The following PDE4D variants were observed in gnomAD, a reference collection of about 807,000 sequenced individuals.
The protein encoded by PDE4D is 3',5'-cyclic-AMP phosphodiesterase 4D.
PDE4D carries 24 observed loss-of-function variants against 87.4 expected under a neutral mutation model. That is an observed-to-expected ratio of 0.27 (90% CI 0.20 to 0.39). PDE4D has a LOEUF of 0.39. Ranked by LOEUF, PDE4D falls within the 10% of genes least tolerant of loss-of-function variation. The probability of loss-of-function intolerance (pLI) is 1.00; values close to 1 mark genes in which losing one functional copy is unlikely to be tolerated. For synonymous variants in PDE4D, 384 were observed against 383.2 expected (o/e 1.00, Z -0.02); for missense variants, 714 against 1,041.0 (o/e 0.69, Z 4.32).
intron 1 of PDE4D, among the ~76,000 whole-genome samples, chr5:59,282,566 T>C (rs923059450): frequency 2.7e-5 from 4 of 146,114 alleles, no homozygotes; most frequent in African/African-American, 1.0e-4. Context: ...TTGCTTCAAC[T>C]TGGGAGGAGG....
intron 2 of PDE4D, among the ~76,000 whole-genome samples, chr5:60,054,816 A>C (rs962695438): frequency 3.3e-5 from 5 of 152,158 alleles, no homozygotes; most frequent in African/African-American, 7.2e-5. Context: ...CTACCTGCAG[A>C]AAACAAACTA....
intron 1 of PDE4D, among the ~76,000 whole-genome samples, chr5:59,358,301 T>C (rs1781707880): frequency 6.6e-6 from 1 of 152,154 alleles, no homozygotes; most frequent in South Asian, 2.1e-4. Context: ...GCAGCAACCT[T>C]GGAGGAGCAG....
In PDE4D at chr5:60,064,109, A is replaced by G. The variant is rs144304653; in HGVS notation, c.43-75392T>C. On this transcript the variant is annotated intron_variant, in intron 2 of 16. Transcript: ENST00000502484. Reference sequence around the variant, plus strand: ...TTTTCTCTTTGCATCTTTCTTTAAAATCTTTTAAATAATAATCACATATAA... The same window carrying G: ...TTTTCTCTTTGCATCTTTCTTTAAAGTCTTTTAAATAATAATCACATATAA... Among the ~76,000 whole-genome samples, 297 of 152,212 alleles carry G rather than the reference A, an allele frequency of 2.0e-3. 8 individuals carry two copies. The South Asian group carries it at 0.05, about 26-fold the overall frequency.
chr5:59,613,243 G>A (rs1200358442), intron 1 of PDE4D, among the ~76,000 whole-genome samples: 3 of 152,174 alleles, frequency 2.0e-5, no homozygotes, highest in African/African-American at 7.2e-5. Context: ...GAAAAAAAGA[G>A]TCAAAGACAA....
rs1014404987 is a variant in PDE4D at position 59,580,864 on chromosome 5, C to A, written c.455+312304G>T. On this transcript the variant is annotated intron_variant, in intron 1 of 14. Transcript: ENST00000340635. ...GAAGCTGAATTAGAAACCTGGAGTG[C>A]TTTTTTTAAATTATTTTTTTTTAGT... Among the ~76,000 whole-genome samples the A allele has an allele frequency of 2.6e-5, 4 of 152,112 alleles. No homozygotes were observed. In the East Asian group the frequency reaches 7.7e-4, roughly 29 times the overall value.
At chr5:59,050,588 A>C (rs1157451114) in intron 5 of PDE4D, among the ~76,000 whole-genome samples, 6 of 152,216 alleles carry the variant, frequency 3.9e-5, no homozygotes, top group Admixed American at 3.9e-4. Flanking sequence ...TTTTACAAGA[A>C]TATCTATGGA....
chr5:59,616,590 A>G (rs1829700446), intron 1 of PDE4D, among the ~76,000 whole-genome samples: 2 of 152,110 alleles, frequency 1.3e-5, no homozygotes. Flanking sequence ...CTCTGTGATA[A>G]TGTCATGCTC....
intron 1 of PDE4D, among the ~76,000 whole-genome samples, chr5:59,364,192 A>T (rs1472739789): frequency 4.6e-5 from 7 of 152,216 alleles, no homozygotes; most frequent in African/African-American, 1.7e-4. Context: ...ACATTTACAC[A>T]ATTAGGCTAT....
intron 1 of PDE4D, among the ~76,000 whole-genome samples, chr5:60,319,901 G>A (rs1386507913): frequency 1.3e-5 from 2 of 152,194 alleles, no homozygotes; most frequent in South Asian, 2.1e-4. Context: ...CTACTGGGGG[G>A]TACCTCCCAG....
chr5:59,763,369 T>C (rs1288825023), intron 1 of PDE4D, among the ~76,000 whole-genome samples: 3 of 151,858 alleles, frequency 2.0e-5, no homozygotes, highest in Non-Finnish European at 4.4e-5. Context: ...CGTGGATATA[T>C]AGATGTGTAT....
At chr5:59,486,553 TTTCAG>T (rs1382521230) in intron 1 of PDE4D, among the ~76,000 whole-genome samples, 8 of 152,232 alleles carry the variant, frequency 5.3e-5, no homozygotes, top group African/African-American at 1.9e-4. Context: ...ACATGTTTTA[TTTCAG>T]TTAACTATCA....
intron 1 of PDE4D, among the ~76,000 whole-genome samples, chr5:60,322,842 T>C (rs896058116): frequency 6.6e-6 from 1 of 152,262 alleles, no homozygotes; most frequent in Non-Finnish European, 1.5e-5. Flanking sequence ...CACTCCAGTC[T>C]ACCTTTTTCC....
intron 1 of PDE4D, among the ~76,000 whole-genome samples, chr5:59,544,988 T>A (rs1303796507): frequency 6.6e-6 from 1 of 152,194 alleles, no homozygotes; most frequent in Non-Finnish European, 1.5e-5. Context: ...TTACTCAGAG[T>A]ACTGATTTTA....
chr5:59,467,411 A>T (rs902411888), intron 1 of PDE4D, among the ~76,000 whole-genome samples: 2 of 152,186 alleles, frequency 1.3e-5, no homozygotes, highest in South Asian at 4.1e-4. Flanking sequence ...AGGAAACTCA[A>T]TGAGATAAGA....
At chr5:59,229,670 A>C (rs10059709) in intron 1 of PDE4D, among the ~76,000 whole-genome samples, 12,172 of 152,242 alleles carry the variant, frequency 0.08, 644 homozygotes, top group Non-Finnish European at 0.11. Flanking sequence ...GGCCAGTGAG[A>C]AGCTCTTAGC....
At chr5:59,154,506 T>C (rs1296080143) in intron 5 of PDE4D, among the ~76,000 whole-genome samples, 1 of 151,436 alleles carries the variant, frequency 6.6e-6, no homozygotes, top group Non-Finnish European at 1.5e-5. Context: ...CAGGGGAGAG[T>C]TGGTGAGTGC....
intron 1 of PDE4D, among the ~76,000 whole-genome samples, chr5:59,668,438 G>A (rs766108679): frequency 2.0e-5 from 3 of 152,134 alleles, no homozygotes; most frequent in Non-Finnish European, 4.4e-5. Flanking sequence ...TAGCAGGTAT[G>A]GTGGCTCATG....
intron 5 of PDE4D, among the ~76,000 whole-genome samples, chr5:59,149,910 C>A (rs769868283): frequency 2.7e-4 from 41 of 151,896 alleles, no homozygotes; most frequent in Non-Finnish European, 5.4e-4. Context: ...CAGGTGTAAT[C>A]CTGATTCAGG....
chr5:59,198,690 A>G (rs969259047), intron 2 of PDE4D, among the ~76,000 whole-genome samples: 6 of 152,188 alleles, frequency 3.9e-5, no homozygotes, highest in Non-Finnish European at 7.3e-5. Context: ...TTTTCTCACA[A>G]GAGAAATGAC....
Sources: allele counts gnomAD v4.1 joint callset (sites outside exome capture counted in the v4.1 genomes callset), GRCh38; gene constraint gnomAD v4.1.1; transcripts MANE v1.5; gene names NCBI Gene and HGNC (gene_info 2026-07-23, HGNC 2026-07-21).